Variants in KLF7 observed in about 807,000 individuals in gnomAD.
KLF7 encodes the protein KLF transcription factor 7.
Under a neutral mutation model 27.3 loss-of-function variants are expected in KLF7, and 2 were observed. The observed-to-expected ratio is 0.07, with a 90% CI of 0.03 to 0.23. The LOEUF is 0.23. KLF7 is among the 10% of genes least tolerant of loss of function. The pLI is 1.00. For synonymous variants in KLF7, 165 were observed against 162.4 expected (o/e 1.02, Z -0.12); for missense variants, 221 against 394.1 (o/e 0.56, Z 3.72).
At chr2:207,140,654 G>C (rs2077914440) in intron 1 of KLF7, among the ~76,000 whole-genome samples, 1 of 152,154 alleles carries the variant, frequency 6.6e-6, no homozygotes, top group South Asian at 2.1e-4. Context: ...CTGGGAAGCA[G>C]ATCACCTCAA....
At chr2:207,171,499 A>G (rs146641916), upstream of KLF7, among the ~76,000 whole-genome samples, 6 of 152,224 alleles carry the variant, frequency 3.9e-5, no homozygotes, top group African/African-American at 1.4e-4. Context: ...TGCATGCTAC[A>G]GAGAAACCTG....
chr2:207,142,982 A>C (rs189488900), intron 1 of KLF7, among the ~76,000 whole-genome samples: 156 of 152,362 alleles, frequency 1.0e-3, no homozygotes, highest in African/African-American at 3.5e-3. Flanking sequence ...AAAAGATATT[A>C]GTGAAACCCA....
chr2:207,156,421 G>A (rs541507171), intron 1 of KLF7, among the ~76,000 whole-genome samples: 4 of 152,192 alleles, frequency 2.6e-5, no homozygotes, highest in Non-Finnish European at 5.9e-5. Flanking sequence ...ACTGTGGTTG[G>A]TCAGTAAGAA....
intron 1 of KLF7, among the ~76,000 whole-genome samples, chr2:207,151,981 C>T (rs901192847): frequency 5.3e-5 from 8 of 152,020 alleles, no homozygotes; most frequent in African/African-American, 1.4e-4. Context: ...TTTAAAAACA[C>T]CCCTAATGTA....
chr2:207,104,192 A>G (rs1018251769), intron 2 of KLF7, among the ~76,000 whole-genome samples: 2 of 152,260 alleles, frequency 1.3e-5, no homozygotes, highest in African/African-American at 4.8e-5. Flanking sequence ...AATATGGTGC[A>G]TATCTTACTA....
At chr2:207,147,966 C>T (rs2078142869) in intron 1 of KLF7, among the ~76,000 whole-genome samples, 1 of 151,844 alleles carries the variant, frequency 6.6e-6, no homozygotes, top group Admixed American at 6.6e-5. Context: ...AATGTTACCA[C>T]TTGATCTGAA....
chr2:207,104,143 C>T (rs888389040), intron 2 of KLF7, among the ~76,000 whole-genome samples: 10 of 152,170 alleles, frequency 6.6e-5, no homozygotes, highest in Non-Finnish European at 1.5e-4. Context: ...AACCCAATAC[C>T]ACATGGAGAG....
intron 2 of KLF7, 141 bp from the exon 3 acceptor site, chr2:207,088,722 T>C (rs1274259630): frequency 3.5e-6 from 3 of 849,702 alleles, no homozygotes; most frequent in East Asian, 5.6e-5. Flanking sequence ...TAACATAGTA[T>C]ACCACTGTCT....
At chr2:207,111,975 C>CTTAA (rs1574475912) in intron 2 of KLF7, among the ~76,000 whole-genome samples, 1 of 151,832 alleles carries the variant, frequency 6.6e-6, no homozygotes, top group East Asian at 1.9e-4. Flanking sequence ...CTGTATCCTG[C>CTTAA]TTAAGTCAAA....
chr2:207,100,550 C>A (rs1415897816), intron 2 of KLF7, among the ~76,000 whole-genome samples: 2 of 152,170 alleles, frequency 1.3e-5, no homozygotes, highest in Non-Finnish European at 2.9e-5. Flanking sequence ...TCACCCATCA[C>A]TTCTTACATA....
intron 1 of KLF7, chr2:207,134,225 C>G: frequency 9.5e-7 from 1 of 1,050,550 alleles, no homozygotes; most frequent in Non-Finnish European, 1.3e-6. Flanking sequence ...TCATCTCCTT[C>G]TCAGTTGGGT....
chr2:207,158,017 G>A (rs1456288420), intron 1 of KLF7, among the ~76,000 whole-genome samples: 9 of 140,716 alleles, frequency 6.4e-5, no homozygotes, highest in Non-Finnish European at 1.3e-4. Context: ...CTTATTTCTG[G>A]TTAGAAAAAA....
At chr2:207,145,029 A>G (rs540270098) in intron 1 of KLF7, among the ~76,000 whole-genome samples, 1 of 152,366 alleles carries the variant, frequency 6.6e-6, no homozygotes, top group African/African-American at 2.4e-5. Flanking sequence ...ATTTGTCAAC[A>G]GGGACAGTGA....
chr2:207,154,545 A>T (rs1211455949), intron 1 of KLF7, among the ~76,000 whole-genome samples: 3 of 152,212 alleles, frequency 2.0e-5, no homozygotes, highest in Non-Finnish European at 2.9e-5. Flanking sequence ...TCCAATGCCC[A>T]GCATTCCGCT....
Position 207,081,061 on chromosome 2 carries a change from A to ATGTGTGTGTGTGTGTG in KLF7, c.*136_*151dup. 1.5e-6 allele frequency: 1 copy of ATGTGTGTGTGTGTGTG among 670,630 alleles called. No individual in the cohort carries two copies. Among genetic ancestry groups the ATGTGTGTGTGTGTGTG allele is most frequent in the Non-Finnish European group, 2.7e-6 (1 of 372,028 alleles). The allele number at this position is 670,630 out of a possible 1,614,324, so 41.5% of individuals were successfully genotyped here. On this transcript the variant is annotated 3_prime_UTR_variant, in exon 4 of 4. Transcript: ENST00000309446. Reference sequence around the variant, plus strand: ...TGTGTGGGTCTGTGAGTGTGTGTATATGTGTGTGTGTGTGTGTGTGTGTAC... The same window carrying ATGTGTGTGTGTGTGTG: ...TGTGTGGGTCTGTGAGTGTGTGTATATGTGTGTGTGTGTGTGTGTGTGTGTGTGTGTGTGTGTGTAC...
At chr2:207,111,882 G>A (rs2077047896) in intron 2 of KLF7, among the ~76,000 whole-genome samples, 1 of 152,124 alleles carries the variant, frequency 6.6e-6, no homozygotes, top group South Asian at 2.1e-4. Flanking sequence ...CCAGACCACA[G>A]TGAGGCCGTA....
intron 2 of KLF7, among the ~76,000 whole-genome samples, chr2:207,099,467 G>C (rs1269175672): frequency 6.8e-6 from 1 of 147,638 alleles, no homozygotes; most frequent in Non-Finnish European, 1.5e-5. Context: ...ACTAAATTTT[G>C]CTTTTTTGCT....
chr2:207,110,867 A>T (rs1881934), intron 2 of KLF7, among the ~76,000 whole-genome samples: 97,743 of 152,114 alleles, frequency 0.64, 31,755 homozygotes, highest in Non-Finnish European at 0.67. Flanking sequence ...TTGCAAGTGG[A>T]TCAGAGCAAC....
intron 1 of KLF7, among the ~76,000 whole-genome samples, chr2:207,158,133 T>C (rs2078442876): frequency 6.6e-6 from 1 of 152,136 alleles, no homozygotes; most frequent in Non-Finnish European, 1.5e-5. Flanking sequence ...ACCTCTAAGA[T>C]GTTAGAGGTG....
Sources: allele counts gnomAD v4.1 joint callset (sites outside exome capture counted in the v4.1 genomes callset), GRCh38; gene constraint gnomAD v4.1.1; transcripts MANE v1.5; gene names NCBI Gene and HGNC (gene_info 2026-07-23, HGNC 2026-07-21).